RAB27B: variants seen among roughly 807,000 people sequenced by gnomAD.
RAB27B encodes the protein RAB27B, member RAS oncogene family, also known as ras-related protein Rab-27B.
In RAB27B, 15 loss-of-function variants were observed where a neutral mutation model predicts 24.6. The ratio of observed to expected loss-of-function variants is 0.61; its 90% CI spans 0.41 to 0.94. RAB27B has a LOEUF of 0.94. Ranked by LOEUF, RAB27B falls within the 40% of genes least tolerant of loss-of-function variation. The pLI is 0.00. For synonymous variants in RAB27B, 105 were observed against 92.5 expected (o/e 1.14, Z -0.78); for missense variants, 261 against 266.8 (o/e 0.98, Z 0.15).
At chr18:54,849,924 C>T (rs1309818289) in intron 1 of RAB27B, among the ~76,000 whole-genome samples, 1 of 152,094 alleles carries the variant, frequency 6.6e-6, no homozygotes, top group Non-Finnish European at 1.5e-5. Flanking sequence ...TAAATATTTA[C>T]TCATACCTTT....
intron 1 of RAB27B, among the ~76,000 whole-genome samples, chr18:54,842,014 G>C (rs776224974): frequency 2.6e-5 from 4 of 152,186 alleles, no homozygotes; most frequent in Non-Finnish European, 5.9e-5. Flanking sequence ...TCCAGTATTT[G>C]CCACATGAAC....
chr18:54,814,869 T>C (rs1017395949), intron 2 of RAB27B, among the ~76,000 whole-genome samples: 1 of 152,222 alleles, frequency 6.6e-6, no homozygotes, highest in Non-Finnish European at 1.5e-5. Context: ...GTTTATACGT[T>C]TAAGTGTCTG....
intron 1 of RAB27B, among the ~76,000 whole-genome samples, chr18:54,828,984 GC>G (rs1361965874): frequency 6.6e-6 from 1 of 152,114 alleles, no homozygotes; most frequent in African/African-American, 2.4e-5. Flanking sequence ...AAAACAAAAA[GC>G]CTAGGCACAG....
chr18:54,771,981 T>C (rs979846657), intron 2 of RAB27B, among the ~76,000 whole-genome samples: 4 of 152,198 alleles, frequency 2.6e-5, no homozygotes, highest in African/African-American at 7.2e-5. Flanking sequence ...AGTTTCACAT[T>C]TGAACACATT....
At chr18:54,848,585 C>T (rs778513060) in intron 1 of RAB27B, among the ~76,000 whole-genome samples, 33 of 151,962 alleles carry the variant, frequency 2.2e-4, no homozygotes, top group Non-Finnish European at 4.3e-4. Context: ...GAAGAGTAAA[C>T]AAAAATTTGA....
chr18:54,890,103 C>G lies in RAB27B; in HGVS notation c.*690C>G, dbSNP rs1224553367. On this transcript the variant is annotated 3_prime_UTR_variant, in exon 6 of 6. Coordinates refer to ENST00000262094, the MANE Select transcript of RAB27B (RefSeq NM_004163.4). ...TAAATGATGAAGTACAAGACAAATACCCTGGGAAAAAAAATGAAAGTATGA... is the reference window on the plus strand; with the variant it reads ...TAAATGATGAAGTACAAGACAAATAGCCTGGGAAAAAAAATGAAAGTATGA... 1 of 151,894 alleles carries G rather than the reference C, an allele frequency of 6.6e-6. No individual in the cohort carries two copies. Among genetic ancestry groups the G allele is most frequent in the Admixed American group, 6.6e-5 (1 of 15,238 alleles). 9.4% of individuals were successfully genotyped at this position (151,894 alleles called of 1,614,324 possible). A position where few individuals can be genotyped will look rare whatever the true frequency, so the allele number is the denominator to read the frequency against.
At chr18:54,831,698 AG>A (rs34980169) in intron 1 of RAB27B, among the ~76,000 whole-genome samples, 2 of 152,208 alleles carry the variant, frequency 1.3e-5, no homozygotes, top group African/African-American at 4.8e-5. Flanking sequence ...AAAATGTTAA[AG>A]GGTAATACAA....
At chr18:54,808,422 C>A (rs1371525624) in intron 2 of RAB27B, among the ~76,000 whole-genome samples, 1 of 152,118 alleles carries the variant, frequency 6.6e-6, no homozygotes, top group African/African-American at 2.4e-5. Context: ...ATTTCTTTGG[C>A]CAAAACCAAT....
Position 54,877,753 on chromosome 18 carries a change from G to A in RAB27B, c.153+15G>A, listed in dbSNP as rs771316187. 65 of 1,569,804 alleles carry A rather than the reference G, an allele frequency of 4.1e-5. 1 individual carries two copies. In the Admixed American group the frequency reaches 5.8e-4, roughly 14 times the overall value. ...AAAAACGTGTGGTGAGTTTTTAATC[G>A]TACTTCTAACCTTGTCACTCATCCC... On this transcript the variant is annotated intron_variant, in intron 2 of 5. Transcript: ENST00000262094.
At chr18:54,755,587 G>A (rs1907979336) in intron 2 of RAB27B, among the ~76,000 whole-genome samples, 1 of 152,106 alleles carries the variant, frequency 6.6e-6, no homozygotes, top group South Asian at 2.1e-4. Context: ...CAGGCACTTT[G>A]ATATTTCACC....
chr18:54,851,102 C>A (rs756753085), intron 1 of RAB27B, among the ~76,000 whole-genome samples: 10 of 152,030 alleles, frequency 6.6e-5, no homozygotes, highest in Non-Finnish European at 1.0e-4. Context: ...GGCAACTCAA[C>A]AAGTGTTTGT....
At chr18:54,847,423 A>C (rs1424758286) in intron 1 of RAB27B, among the ~76,000 whole-genome samples, 2 of 152,202 alleles carry the variant, frequency 1.3e-5, no homozygotes, top group Non-Finnish European at 2.9e-5. Flanking sequence ...CTACAAATTG[A>C]AGAGTCAACA....
At chr18:54,804,979 C>A (rs1341976882) in intron 2 of RAB27B, among the ~76,000 whole-genome samples, 1 of 64,864 alleles carries the variant, frequency 1.5e-5, no homozygotes, top group Non-Finnish European at 3.7e-5. Flanking sequence ...TTCCTGCCTT[C>A]CTTCCTTTTT....
chr18:54,873,684 C>CGT lies in RAB27B; in HGVS notation c.-19-3883_-19-3882insGT, dbSNP rs1306823681. 3.4e-5 allele frequency among the ~76,000 whole-genome samples: 3 copies of CGT among 87,844 alleles called. No individual in the cohort carries two copies. The Admixed American group carries it at 3.6e-4, about 11-fold the overall frequency. The allele number at this position is 87,844 out of a possible 152,430, so 57.6% of individuals were successfully genotyped here. On this transcript the variant is annotated intron_variant, in intron 1 of 5. Coordinates refer to ENST00000262094, the MANE Select transcript of RAB27B (RefSeq NM_004163.4). ...AATAAAAAGAGGAGCTGAGCCAAAT[C>CGT]CTGTGTGTGTGTGTGTGTGTGTGTG...
chr18:54,822,371 T>G (rs1910338811), intron 2 of RAB27B, among the ~76,000 whole-genome samples: 1 of 152,184 alleles, frequency 6.6e-6, no homozygotes, highest in Non-Finnish European at 1.5e-5. Context: ...CAGCTTGAAG[T>G]GTTTGCAGTT....
intron 2 of RAB27B, among the ~76,000 whole-genome samples, chr18:54,804,876 T>C (rs1909723257): frequency 1.2e-5 from 1 of 82,582 alleles, no homozygotes; most frequent in Non-Finnish European, 2.6e-5. Flanking sequence ...TTTTTTTCTT[T>C]TTTCTTTCTT....
chr18:54,724,414 G>T (rs1375256369), intron 2 of RAB27B, among the ~76,000 whole-genome samples: 1 of 151,454 alleles, frequency 6.6e-6, no homozygotes, highest in African/African-American at 2.4e-5. Flanking sequence ...GAACATGGGA[G>T]GTGACAGCCC....
chr18:54,786,928 G>A (rs1598904169), intron 2 of RAB27B, among the ~76,000 whole-genome samples: 1 of 152,198 alleles, frequency 6.6e-6, no homozygotes, highest in East Asian at 1.9e-4. Context: ...CTCTGCATGA[G>A]CAGACATTAA....
Position 54,895,351 on chromosome 18 carries a change from C to T in RAB27B, c.*5938C>T, listed in dbSNP as rs374493777. 2.0e-5 allele frequency: 3 copies of T among 152,100 alleles called. No homozygotes were observed. Among genetic ancestry groups the T allele is most frequent in the African/African-American group, 4.8e-5 (2 of 41,518 alleles). 9.4% of individuals were successfully genotyped at this position (152,100 alleles called of 1,614,324 possible). ...CCCCTTAATAGACTGTGGTTCCTGA[C>T]GCACACTGTTAGGTCATTATTTTGT... On this transcript the variant is annotated 3_prime_UTR_variant, in exon 6 of 6. Coordinates refer to ENST00000262094, the MANE Select transcript of RAB27B (RefSeq NM_004163.4).
Sources: allele counts gnomAD v4.1 joint callset (sites outside exome capture counted in the v4.1 genomes callset), GRCh38; gene constraint gnomAD v4.1.1; transcripts MANE v1.5; gene names NCBI Gene and HGNC (gene_info 2026-07-23, HGNC 2026-07-21).